The following COL6A1 variants were observed in gnomAD, a reference collection of about 807,000 sequenced individuals.
COL6A1 encodes collagen type VI alpha 1 chain, also known as collagen alpha-1(VI) chain.
COL6A1 carries 80 observed loss-of-function variants against 145.6 expected under a neutral mutation model. The observed-to-expected ratio is 0.55, with a 90% CI of 0.46 to 0.66. COL6A1 has a LOEUF of 0.66. Among genes scored for constraint, COL6A1 ranks in the 30% least tolerant of loss-of-function variants. COL6A1 has a pLI of 0.00. For synonymous variants in COL6A1, 638 were observed against 622.8 expected (o/e 1.02, Z -0.36); for missense variants, 1,364 against 1,473.8 (o/e 0.93, Z 1.22).
At position 46,004,198 on chromosome 21, in the gene COL6A1, C is replaced by T. The variant is rs1018349590; in HGVS notation, c.*185C>T. Reference sequence around the variant, plus strand: ...TGTGCAGGGTCCTCCGGGGCTCAGCCCTGAGTTGGCATCACCTGCGCAGGG... The same window carrying T: ...TGTGCAGGGTCCTCCGGGGCTCAGCTCTGAGTTGGCATCACCTGCGCAGGG... On this transcript the variant is annotated 3_prime_UTR_variant, in exon 35 of 35. Transcript: ENST00000361866. The T allele has an allele frequency of 7.5e-6, 6 of 801,300 alleles. No individual in the cohort carries two copies. The highest frequency in any genetic ancestry group is 1.9e-6 in the Non-Finnish European group (1 of 513,722). The allele number at this position is 801,300 out of a possible 1,614,324, so 49.6% of individuals were successfully genotyped here. A position where few individuals can be genotyped will look rare whatever the true frequency, so the allele number is the denominator to read the frequency against.
Position 46,002,303 on chromosome 21 carries a change from A to G in COL6A1, c.2152A>G (p.Ser718Gly). The G allele has an allele frequency of 1.3e-6, 2 of 1,594,198 alleles. No homozygotes were observed. Among genetic ancestry groups the G allele is most frequent in the Non-Finnish European group, 1.7e-6 (2 of 1,172,566 alleles). The change falls in exon 32 of 35, where the codon AGC becomes GGC. Residue 718 changes from serine to glycine, a missense_variant. Physicochemically the swap from Ser to Gly is moderately conservative, Grantham distance 56 (BLOSUM62 0). Around this residue, in one of 3 missense-constraint regions of COL6A1, gnomAD observed 938 missense variants for 1,003.8 expected, o/e 0.93. Coordinates refer to ENST00000361866, the MANE Select transcript of COL6A1 (RefSeq NM_001848.3). Reference protein sequence around the residue: ...QYTRDQLLPPSPNNRIALVIT... With the variant: ...QYTRDQLLPPGPNNRIALVIT... Reference sequence around the variant, plus strand: ...CACGCGGGACCAGCTGCTGCCGCCCAGCCCGAACAACCGCATCGCCCTGGT... The same window carrying G: ...CACGCGGGACCAGCTGCTGCCGCCCGGCCCGAACAACCGCATCGCCCTGGT...
intron 30 of COL6A1, 117 bp downstream of exon 30, chr21:46,001,503 C>A: frequency 7.3e-7 from 1 of 1,374,108 alleles, no homozygotes; most frequent in Non-Finnish European, 1.0e-6. Context: ...CTGTGACTTC[C>A]CTACTCATGA....
intron 3 of COL6A1, 121 bp downstream of exon 3, chr21:45,984,590 G>A: frequency 1.1e-6 from 1 of 934,478 alleles, no homozygotes; most frequent in Non-Finnish European, 1.7e-6. Context: ...CTTGGAGGCT[G>A]CACGGCCTCC....
rs7279254 is a variant in COL6A1 at position 45,992,789 on chromosome 21, G to A, written c.1314G>A (p.Thr438=). 3.9e-3 allele frequency: 6,224 copies of A among 1,601,296 alleles called. 200 individuals carry two copies. In the African/African-American group the frequency reaches 0.069, roughly 18 times the overall value. The change falls in exon 19 of 35, where the codon ACG becomes ACA. Residue 438 remains threonine (T), a synonymous_variant. Coordinates refer to ENST00000361866, the MANE Select transcript of COL6A1 (RefSeq NM_001848.3). The stretch of plus-strand genomic sequence containing the variant: ...GAGGACCACGGGGGACCCCAGGCAC[G>A]CGGGGACCAAGAGGAGACCCTGTGA... The part of the protein sequence containing the change: ...GERGPRGTPG[T]RGPRGDPGEA...
rs144576540 is a variant in COL6A1 at position 46,001,487 on chromosome 21, G to A, written c.1956+101G>A. On this transcript the variant is annotated intron_variant, in intron 30 of 34. Coordinates refer to ENST00000361866, the MANE Select transcript of COL6A1 (RefSeq NM_001848.3). Reference sequence around the variant, plus strand: ...ACCTCAGCCTCCCGAGGCCACCGCTGCATCCCTGTGACTTCCCTACTCATG... The same window carrying A: ...ACCTCAGCCTCCCGAGGCCACCGCTACATCCCTGTGACTTCCCTACTCATG... The A allele has an allele frequency of 4.8e-3, 6,982 of 1,468,458 alleles. 22 individuals are homozygous for A. Among genetic ancestry groups the A allele is most frequent in the Admixed American group, 6.0e-3 (357 of 59,148 alleles). The allele number at this position is 1,468,458 out of a possible 1,614,324, so 91.0% of individuals were successfully genotyped here.
In COL6A1 at chr21:45,994,334, G is replaced by T; in HGVS notation, c.1398+105G>T. 8.7e-7 allele frequency: 1 copy of T among 1,143,926 alleles called. No individual in the cohort carries two copies. The highest frequency in any genetic ancestry group is 1.3e-5 in the South Asian group (1 of 75,844). The allele number at this position is 1,143,926 out of a possible 1,614,324, so 70.9% of individuals were successfully genotyped here. Reference sequence around the variant, plus strand: ...GGGGTCTGTTCATTTCCGTTTGAGGGCCTCTGTGTTTCCGTAGATCTCGGG... The same window carrying T: ...GGGGTCTGTTCATTTCCGTTTGAGGTCCTCTGTGTTTCCGTAGATCTCGGG... On this transcript the variant is annotated intron_variant, in intron 20 of 34. Coordinates refer to ENST00000361866, the MANE Select transcript of COL6A1 (RefSeq NM_001848.3). The surrounding 1 kb of genome is among the most constrained non-coding windows in gnomAD (Gnocchi z 6.8).
chr21:46,004,059 C>A lies in COL6A1; in HGVS notation c.*46C>A. 1.2e-6 allele frequency: 2 copies of A among 1,609,854 alleles called. No individual in the cohort carries two copies. The highest frequency in any genetic ancestry group is 1.7e-6 in the Non-Finnish European group (2 of 1,177,944). On this transcript the variant is annotated 3_prime_UTR_variant, in exon 35 of 35. Coordinates refer to ENST00000361866, the MANE Select transcript of COL6A1 (RefSeq NM_001848.3). The stretch of plus-strand genomic sequence containing the variant: ...CAAACCCTGTCCTCCCACCCCTCCC[C>A]ACTCATCACTAAACAGAGTAAAATG...
intron 2 of COL6A1, 132 bp from the exon 3 acceptor site, chr21:45,984,137 G>T: frequency 1.1e-6 from 1 of 950,092 alleles, no homozygotes; most frequent in Non-Finnish European, 1.6e-6. Context: ...GGGCCACAGG[G>T]CAAGTCCAGC....
chr21:45,997,837 T>C (rs1603592929), intron 22 of COL6A1, 75 bp downstream of exon 22: 2 of 1,474,870 alleles, frequency 1.4e-6, no homozygotes, highest in Admixed American at 2.0e-5. Flanking sequence ...AGCCCCGCAC[T>C]GTGGAGCTGC....
At chr21:45,982,600 A>G in intron 1 of COL6A1, 34 bp from the exon 2 acceptor site, 1 of 1,612,030 alleles carries the variant, frequency 6.2e-7, no homozygotes, top group Non-Finnish European at 8.5e-7. Context: ...ATGGGGCGAG[A>G]GCTTGAAGGC....
Position 45,990,261 on chromosome 21 carries a change from T to G in COL6A1, c.934T>G (p.Ser312Ala), listed in dbSNP as rs771229905. 5 of 1,612,466 alleles carry G rather than the reference T, an allele frequency of 3.1e-6. No homozygotes were observed. Among genetic ancestry groups the G allele is most frequent in the Non-Finnish European group, 4.2e-6 (5 of 1,179,940 alleles). The part of the protein sequence containing the change: ...GEKGSRGEKG[S>A]RGPKGYKGEK... ...CACCCGCTTCCTGTCTCCGCAGGGC[T>G]CCAGGGGACCCAAGGGCTACAAGGT... The change falls in exon 12 of 35, where the codon TCC becomes GCC. Residue 312 changes from serine (S) to alanine (A), a missense_variant. By Grantham distance (99) the Ser-to-Ala change is moderately conservative. Coordinates refer to ENST00000361866, the MANE Select transcript of COL6A1 (RefSeq NM_001848.3).
intron 11 of COL6A1, 80 bp from the exon 12 acceptor site, chr21:45,990,178 G>A: frequency 6.4e-7 from 1 of 1,569,538 alleles, no homozygotes; most frequent in South Asian, 1.1e-5. Flanking sequence ...CCAAGCCCCT[G>A]CCTCGCGTGG....
rs1400191709 is a variant in COL6A1 at position 46,002,411 on chromosome 21, C to T, written c.2250+10C>T. The T allele has an allele frequency of 3.1e-6, 5 of 1,607,324 alleles. No homozygotes were observed. In the South Asian group the frequency reaches 5.5e-5, roughly 18 times the overall value. On this transcript the variant is annotated intron_variant, in intron 32 of 34. Transcript: ENST00000361866. ...CAGCCCCGGCATCCAGGTGGGGTGGCCACCCCCAGGCTGCACCTGCCCCGC... is the reference window on the plus strand; with the variant it reads ...CAGCCCCGGCATCCAGGTGGGGTGGTCACCCCCAGGCTGCACCTGCCCCGC...
Position 45,998,904 on chromosome 21 carries a change from A to T in COL6A1, c.1619A>T (p.Lys540Met). 2 of 1,555,338 alleles carry T rather than the reference A, an allele frequency of 1.3e-6. No individual in the cohort carries two copies. The highest frequency in any genetic ancestry group is 1.7e-6 in the Non-Finnish European group (2 of 1,148,892). ...NRGAPGINGT[K>M]GYPGLKGDEG... is the part of the protein sequence containing the mutation. ...GCTCTCCCGTCACTGCAGGGCACGAAGGGCTACCCCGGCCTCAAGGGGGAC... is the reference window on the plus strand; with the variant it reads ...GCTCTCCCGTCACTGCAGGGCACGATGGGCTACCCCGGCCTCAAGGGGGAC... Residue 540 changes from lysine (K) to methionine (M), a missense_variant, in exon 25 of 35, where the codon AAG becomes ATG. By Grantham distance (95) the Lys-to-Met change is moderately conservative. This residue lies in a region of COL6A1 where 938 missense variants were observed against 1,003.8 expected (regional missense o/e 0.93). Transcript: ENST00000361866.
chr21:45,992,304 G>C, intron 17 of COL6A1, 59 bp from the exon 18 acceptor site: 2 of 1,613,630 alleles, frequency 1.2e-6, no homozygotes, highest in South Asian at 1.1e-5. Context: ...CCACGTCCCT[G>C]AGACCAAATG....
Position 45,999,068 on chromosome 21 carries a change from G to A in COL6A1, c.1675-85G>A, listed in dbSNP as rs1218561867. 21 of 1,542,972 alleles carry A rather than the reference G, an allele frequency of 1.4e-5. No individual in the cohort carries two copies. In the African/African-American group the frequency reaches 1.6e-4, roughly 12 times the overall value. On this transcript the variant is annotated intron_variant, in intron 25 of 34. Transcript: ENST00000361866. ...CGCTTGGGGAGGCCTCATGGGCCCC[G>A]GCTGCTGGATGCTCTGTGGACGGGG...
At chr21:45,998,027 G>A in intron 22 of COL6A1, 94 bp from the exon 23 acceptor site, 1 of 1,483,692 alleles carries the variant, frequency 6.7e-7, no homozygotes, top group Non-Finnish European at 9.2e-7. Flanking sequence ...CTGACGGAGG[G>A]GCCCTGCGGG....
Position 45,992,172 on chromosome 21 carries a change from G to C in COL6A1, c.1191G>C (p.Pro397=), listed in dbSNP as rs531640667. ...SSGPSGDEGQ[P]GEPGPPGEKG... is the part of the protein sequence containing the mutation. Reference sequence around the variant, plus strand: ...ACCCTTGTTCCCCACAGGGCCAGCCGGGAGAGCCTGGGCCCCCCGGAGAGA... The same window carrying C: ...ACCCTTGTTCCCCACAGGGCCAGCCCGGAGAGCCTGGGCCCCCCGGAGAGA... The change falls in exon 17 of 35, where the codon CCG becomes CCC. Residue 397 remains proline, a synonymous_variant. Coordinates refer to ENST00000361866, the MANE Select transcript of COL6A1 (RefSeq NM_001848.3). 1.7e-5 allele frequency: 28 copies of C among 1,613,610 alleles called. No homozygotes were observed. The South Asian group carries it at 2.9e-4, about 16-fold the overall frequency.
intron 21 of COL6A1, 93 bp from the exon 22 acceptor site, chr21:45,997,607 C>T (rs899571257): frequency 6.2e-5 from 96 of 1,537,514 alleles, no homozygotes; most frequent in Admixed American, 1.9e-4. Flanking sequence ...TCCTGGCTCC[C>T]GATGGGACCT....
Sources: allele counts gnomAD v4.1 joint callset, GRCh38; gene constraint gnomAD v4.1.1; regional missense constraint gnomAD v4.1.1; non-coding constraint Gnocchi (gnomAD v3.1); transcripts MANE v1.5; gene names NCBI Gene and HGNC (gene_info 2026-07-23, HGNC 2026-07-21).